Variants in ARAP1 observed in about 807,000 individuals in gnomAD.
ARAP1 encodes the protein ArfGAP with RhoGAP domain, ankyrin repeat and PH domain 1.
Under a neutral mutation model 172.2 loss-of-function variants are expected in ARAP1, and 76 were observed. The observed-to-expected ratio is 0.44, with a 90% CI of 0.37 to 0.53. The LOEUF (loss-of-function observed/expected upper bound fraction) is 0.53. ARAP1 is among the 20% of genes least tolerant of loss of function. The pLI, the probability that ARAP1 is intolerant of heterozygous loss-of-function variation, is 0.00. For synonymous variants in ARAP1, 804 were observed against 803.3 expected (o/e 1.00, Z -0.01); for missense variants, 1,686 against 1,977.5 (o/e 0.85, Z 2.80).
intron 1 of ARAP1, among the ~76,000 whole-genome samples, chr11:72,750,100 T>G (rs1290053743): frequency 6.6e-6 from 1 of 152,146 alleles, no homozygotes; most frequent in Non-Finnish European, 1.5e-5. Flanking sequence ...GTTCCCTCCT[T>G]CCTTCCCCAT....
At position 72,710,790 on chromosome 11, in the gene ARAP1, C is replaced by T. The variant is rs1565220676; in HGVS notation, c.1214-203G>A. 6.6e-6 allele frequency among the ~76,000 whole-genome samples: 1 copy of T among 152,220 alleles called. No homozygotes were observed. On this transcript the variant is annotated intron_variant, in intron 9 of 34. Coordinates refer to ENST00000393609, the MANE Select transcript of ARAP1 (RefSeq NM_001040118.3). The surrounding 1 kb of genome is among the most constrained non-coding windows in gnomAD (Gnocchi z 4.3). Reference sequence around the variant, plus strand: ...TGCTGGGCAAGTGACCTCACCCCTCCAAGCCTGCTCCCGCTGATTGTGTGG... The same window carrying T: ...TGCTGGGCAAGTGACCTCACCCCTCTAAGCCTGCTCCCGCTGATTGTGTGG...
At chr11:72,707,525 T>C in intron 11 of ARAP1, 151 bp from the exon 12 acceptor site, 2 of 692,416 alleles carry the variant, frequency 2.9e-6, no homozygotes, top group Non-Finnish European at 4.7e-6. Flanking sequence ...AAGGTAGGTG[T>C]GGACAAAGGC....
At chr11:72,696,461 G>T in intron 23 of ARAP1, 88 bp downstream of exon 23, 1 of 1,070,684 alleles carries the variant, frequency 9.3e-7, no homozygotes, top group Non-Finnish European at 1.3e-6. Context: ...AGCCCAGCTG[G>T]CTCCCAGAGG....
intron 7 of ARAP1, among the ~76,000 whole-genome samples, 192 bp from the exon 8 acceptor site, chr11:72,711,691 T>A (rs1297454069): frequency 1.5e-5 from 1 of 66,980 alleles, no homozygotes; most frequent in African/African-American, 6.8e-5. Flanking sequence ...AAGTAGCACA[T>A]CTCTTTTTTT....
At chr11:72,732,490 C>G (rs1857896085) in intron 2 of ARAP1, 25 bp downstream of exon 2, 1 of 152,594 alleles carries the variant, frequency 6.6e-6, no homozygotes, top group Non-Finnish European at 1.5e-5. Context: ...CAGCCCTGTT[C>G]CCACCGCTCC....
chr11:72,731,601 A>C (rs1857871422), intron 2 of ARAP1, among the ~76,000 whole-genome samples: 1 of 152,146 alleles, frequency 6.6e-6, no homozygotes, highest in Admixed American at 6.6e-5. Flanking sequence ...TTTATAAATT[A>C]CTCAGGGTAT....
chr11:72,739,686 G>A (rs1320105583), intron 1 of ARAP1, among the ~76,000 whole-genome samples: 1 of 152,182 alleles, frequency 6.6e-6, no homozygotes, highest in Non-Finnish European at 1.5e-5. Context: ...ACACGCCACC[G>A]CATGTGTACT....
chr11:72,710,376 C>T lies in ARAP1; in HGVS notation c.1416+9G>A, dbSNP rs1159042966. The T allele has an allele frequency of 1.2e-6, 2 of 1,613,600 alleles. No individual in the cohort carries two copies. The highest frequency in any genetic ancestry group is 1.7e-6 in the Non-Finnish European group (2 of 1,179,786). ...TGGGCAGGGGAGAGGTTCCATGACC[C>T]CTTAGCACCTCTAGATTCTTGTAGA... is the stretch of plus-strand genomic sequence containing the variant. On this transcript the variant is annotated intron_variant, in intron 10 of 34. Transcript: ENST00000393609. The surrounding 1 kb of genome is among the most constrained non-coding windows in gnomAD (Gnocchi z 4.3).
chr11:72,732,757 G>A (rs1005068890), intron 1 of ARAP1, among the ~76,000 whole-genome samples, 160 bp from the exon 2 acceptor site: 3 of 152,178 alleles, frequency 2.0e-5, no homozygotes, highest in South Asian at 2.1e-4. Flanking sequence ...TGGGAGGCAG[G>A]TGGATTCGAG....
At chr11:72,704,460 A>G (rs560151973) in intron 13 of ARAP1, 126 bp from the exon 14 acceptor site, 7 of 1,091,016 alleles carry the variant, frequency 6.4e-6, no homozygotes, top group African/African-American at 6.4e-5. Flanking sequence ...CACTTTCCCA[A>G]TGGGGAAGGT....
In ARAP1 at chr11:72,697,080, G is replaced by C. The variant is rs147870408; in HGVS notation, c.3069C>G (p.His1023Gln). 91 of 1,609,810 alleles carry C rather than the reference G, an allele frequency of 5.7e-5. No individual in the cohort carries two copies. Among genetic ancestry groups the C allele is most frequent in the Non-Finnish European group, 7.5e-5 (89 of 1,179,944 alleles). Residue 1023 changes from histidine (H) to glutamine (Q), a missense_variant, in exon 22 of 35, where the codon CAC becomes CAG. His to Gln is a conservative substitution (Grantham distance 24). This residue lies in a region of ARAP1 where 274 missense variants were observed against 262.7 expected (regional missense o/e 1.04). Coordinates refer to ENST00000393609, the MANE Select transcript of ARAP1 (RefSeq NM_001040118.3). ...RSVHLKEGEQ[H>Q]VDDVSSALKR... Reference sequence around the variant, plus strand: ...TGAGCGCCGAGGAAACATCATCCACGTGCTGCTCGCCCTCCTTGAGGTGCA... The same window carrying C: ...TGAGCGCCGAGGAAACATCATCCACCTGCTGCTCGCCCTCCTTGAGGTGCA...
intron 3 of ARAP1, chr11:72,721,911 G>T (rs372079589): frequency 2.0e-6 from 2 of 985,332 alleles, no homozygotes; most frequent in African/African-American, 3.5e-5. Context: ...GGCGGGCTGC[G>T]TATGCCCAAG....
intron 1 of ARAP1, among the ~76,000 whole-genome samples, chr11:72,745,114 C>T (rs938998710): frequency 6.6e-6 from 1 of 152,014 alleles, no homozygotes; most frequent in Admixed American, 6.5e-5. Context: ...CCCTACCAGG[C>T]ACACTGTGGC....
chr11:72,717,362 T>C (rs1225890866), intron 3 of ARAP1, among the ~76,000 whole-genome samples: 1 of 152,016 alleles, frequency 6.6e-6, no homozygotes, highest in Non-Finnish European at 1.5e-5. Flanking sequence ...ACAGGTGCCA[T>C]CTCTCCAATG....
chr11:72,727,790 A>T (rs1857743253), intron 2 of ARAP1, among the ~76,000 whole-genome samples: 1 of 152,238 alleles, frequency 6.6e-6, no homozygotes, highest in Admixed American at 6.5e-5. Context: ...AAACCCTCCC[A>T]TCACTAAGGC....
Position 72,697,060 on chromosome 11 carries a change from G to A in ARAP1, c.3089C>T (p.Ala1030Val), listed in dbSNP as rs757412996. 27 of 1,610,318 alleles carry A rather than the reference G, an allele frequency of 1.7e-5. No individual in the cohort carries two copies. The highest frequency in any genetic ancestry group is 3.3e-4 in the Middle Eastern group (2 of 6,060). ...GEQHVDDVSS[A>V]LKRFLRDLPD... ...CAGGTCGCGCAGGAAGCGCTTGAGC[G>A]CCGAGGAAACATCATCCACGTGCTG... is the stretch of plus-strand genomic sequence containing the variant. The change falls in exon 22 of 35, where the codon GCG becomes GTG. Residue 1030 changes from alanine (A) to valine (V), a missense_variant. Ala to Val is a moderately conservative substitution (Grantham distance 64). This residue lies in a region of ARAP1 where 274 missense variants were observed against 262.7 expected (regional missense o/e 1.04). Coordinates refer to ENST00000393609, the MANE Select transcript of ARAP1 (RefSeq NM_001040118.3).
chr11:72,716,435 C>T (rs761729054), intron 3 of ARAP1, among the ~76,000 whole-genome samples: 11 of 152,386 alleles, frequency 7.2e-5, no homozygotes, highest in African/African-American at 1.9e-4. Context: ...AACCTGCAAA[C>T]GGTGGCGTGT....
rs754149945 is a variant in ARAP1 at position 72,693,374 on chromosome 11, C to T, written c.3905G>A (p.Arg1302His). The T allele has an allele frequency of 2.5e-5, 41 of 1,613,880 alleles. No homozygotes were observed. Among genetic ancestry groups the T allele is most frequent in the Non-Finnish European group, 3.3e-5 (39 of 1,179,848 alleles). The change falls in exon 29 of 35, where the codon CGC (arginine) becomes CAC (histidine). Residue 1302 changes from arginine (R) to histidine (H), a missense_variant. By Grantham distance (29) the Arg-to-His change is conservative (BLOSUM62 0). This residue lies in a region of ARAP1 where 379 missense variants were observed against 500.1 expected (regional missense o/e 0.76). Coordinates refer to ENST00000393609, the MANE Select transcript of ARAP1 (RefSeq NM_001040118.3). The surrounding 1 kb of genome is among the most constrained non-coding windows in gnomAD (Gnocchi z 4.6). The part of the protein sequence containing the change: ...LGLPSGGFHD[R>H]YFILNSSCLR... ...GCAGCTGCTGTTGAGGATGAAGTAG[C>T]GATCGTGGAAGCCACCTGAGGGCAG...
intron 1 of ARAP1, among the ~76,000 whole-genome samples, chr11:72,742,702 G>C (rs1858238178): frequency 6.6e-6 from 1 of 152,196 alleles, no homozygotes; most frequent in Non-Finnish European, 1.5e-5. Context: ...GATTCCTCCT[G>C]CTGTGGGATT....
Sources: allele counts gnomAD v4.1 joint callset (sites outside exome capture counted in the v4.1 genomes callset), GRCh38; gene constraint gnomAD v4.1.1; regional missense constraint gnomAD v4.1.1; non-coding constraint Gnocchi (gnomAD v3.1); transcripts MANE v1.5; gene names NCBI Gene and HGNC (gene_info 2026-07-23, HGNC 2026-07-21).